The following ADAMTS14 variants were observed in gnomAD, a reference collection of about 807,000 sequenced individuals.
ADAMTS14 encodes the protein ADAM metallopeptidase with thrombospondin type 1 motif 14.
A neutral mutation model predicts 128.6 loss-of-function variants in ADAMTS14; 100 were observed. The ratio of observed to expected loss-of-function variants is 0.78; its 90% CI spans 0.66 to 0.92. The LOEUF (loss-of-function observed/expected upper bound fraction) is 0.92. Among genes scored for constraint, ADAMTS14 ranks in the 40% least tolerant of loss-of-function variants. The pLI, the probability that ADAMTS14 is intolerant of heterozygous loss-of-function variation, is 0.00. For synonymous variants in ADAMTS14, 665 were observed against 653.8 expected, an observed-to-expected ratio of 1.02 and a Z score of -0.26; for missense variants, 1,562 against 1,658.6, an observed-to-expected ratio of 0.94 and a Z score of 1.01.
intron 4 of ADAMTS14, among the ~76,000 whole-genome samples, chr10:70,711,609 G>A (rs1477434349): frequency 6.6e-6 from 1 of 152,226 alleles, no homozygotes; most frequent in Admixed American, 6.5e-5. Context: ...GGGTACTCAA[G>A]TAATGTTTTC....
intron 11 of ADAMTS14, among the ~76,000 whole-genome samples, chr10:70,739,309 G>A (rs953559420): frequency 4.6e-5 from 7 of 152,038 alleles, no homozygotes; most frequent in Non-Finnish European, 1.0e-4. Flanking sequence ...CGACCCTCTG[G>A]CTAAACTTTG....
chr10:70,715,636 G>A (rs527676418), intron 4 of ADAMTS14, among the ~76,000 whole-genome samples: 215 of 152,214 alleles, frequency 1.4e-3, no homozygotes, highest in Non-Finnish European at 2.6e-3. Context: ...GTAGATGGGA[G>A]CTTGTTCCCC....
Position 70,708,635 on chromosome 10 carries a change from C to G in ADAMTS14, c.727C>G (p.Gln243Glu), listed in dbSNP as rs774044571. 3 of 1,611,932 alleles carry G rather than the reference C, an allele frequency of 1.9e-6. No homozygotes were observed. Among genetic ancestry groups the G allele is most frequent in the Admixed American group, 3.3e-5 (2 of 59,952 alleles). The change falls in exon 4 of 22, where the codon CAG becomes GAG. Residue 243 changes from glutamine (Q) to glutamate (E), a missense_variant. Physicochemically the swap from Gln to Glu is conservative, Grantham distance 29 (BLOSUM62 2). Coordinates refer to ENST00000373207, the MANE Select transcript of ADAMTS14 (RefSeq NM_080722.4). ...CAACCTGCTGGGCCTGGTGGGGGAC[C>G]AGCTGGGCGACACAGAGCGGAAGCG... ...LPNLLGLVGD[Q>E]LGDTERKRRH...
chr10:70,682,780 G>T (rs76978678), intron 2 of ADAMTS14, among the ~76,000 whole-genome samples: 1 of 152,218 alleles, frequency 6.6e-6, no homozygotes, highest in East Asian at 1.9e-4. Context: ...CACAGAGCCC[G>T]TGTTGGCCTT....
intron 3 of ADAMTS14, 92 bp downstream of exon 3, chr10:70,702,560 C>T: frequency 6.8e-7 from 1 of 1,463,856 alleles, no homozygotes; most frequent in Non-Finnish European, 9.1e-7. Flanking sequence ...CCATGTCTGG[C>T]CTCAGTCTTC....
intron 4 of ADAMTS14, among the ~76,000 whole-genome samples, chr10:70,725,394 G>T (rs1320889643): frequency 6.6e-6 from 1 of 152,194 alleles, no homozygotes; most frequent in Admixed American, 6.5e-5. Flanking sequence ...GGATGGCTTA[G>T]CCTGTTTGGG....
At chr10:70,696,032 G>A (rs1840323303) in intron 2 of ADAMTS14, among the ~76,000 whole-genome samples, 1 of 152,244 alleles carries the variant, frequency 6.6e-6, no homozygotes, top group Non-Finnish European at 1.5e-5. Flanking sequence ...GAGGTGGTGA[G>A]TGTAGACAAC....
chr10:70,690,809 G>A (rs1305589530), intron 2 of ADAMTS14, among the ~76,000 whole-genome samples: 1 of 145,002 alleles, frequency 6.9e-6, no homozygotes, highest in African/African-American at 2.4e-5. Flanking sequence ...TCCACGCAGG[G>A]TGCCGCTCCT....
chr10:70,748,287 G>A (rs1176632814), intron 15 of ADAMTS14, among the ~76,000 whole-genome samples: 1 of 152,200 alleles, frequency 6.6e-6, no homozygotes, highest in African/African-American at 2.4e-5. Flanking sequence ...CTGGAATGAG[G>A]GGTGCATAAT....
chr10:70,734,391 G>T (rs775424821), intron 8 of ADAMTS14, among the ~76,000 whole-genome samples: 3 of 152,170 alleles, frequency 2.0e-5, no homozygotes, highest in African/African-American at 7.2e-5. Context: ...CTGGGCTGAG[G>T]CTTGGGGCTC....
At chr10:70,729,813 T>C (rs955229427) in intron 5 of ADAMTS14, among the ~76,000 whole-genome samples, 1 of 152,228 alleles carries the variant, frequency 6.6e-6, no homozygotes, top group African/African-American at 2.4e-5. Context: ...ATAGAGGAAA[T>C]GCTCAGAACA....
intron 4 of ADAMTS14, among the ~76,000 whole-genome samples, chr10:70,718,532 C>CAT (rs1841134885): frequency 6.6e-6 from 1 of 151,846 alleles, no homozygotes; most frequent in South Asian, 2.1e-4. Flanking sequence ...GGGTTACAGG[C>CAT]GTGCCACCAC....
At chr10:70,741,251 A>G in intron 12 of ADAMTS14, 89 bp downstream of exon 12, 1 of 1,449,934 alleles carries the variant, frequency 6.9e-7, no homozygotes, top group Non-Finnish European at 9.4e-7. Context: ...ACCCCTACAT[A>G]CACCAGTGAA....
intron 8 of ADAMTS14, among the ~76,000 whole-genome samples, chr10:70,734,875 G>A (rs1436071205): frequency 6.6e-6 from 1 of 152,186 alleles, no homozygotes; most frequent in Non-Finnish European, 1.5e-5. Flanking sequence ...TCCCTCTAAG[G>A]TGGGCAAAAT....
In ADAMTS14 at chr10:70,759,055, T is replaced by C. The variant is rs1842544889; in HGVS notation, c.3178+770T>C. On this transcript the variant is annotated intron_variant, in intron 21 of 21. Coordinates refer to ENST00000373207, the MANE Select transcript of ADAMTS14 (RefSeq NM_080722.4). ...TTGGCTGCAAATTCGTTAACCTCTC[T>C]GAGCTTAGTGACCTCATCTGTAAGA... Among the ~76,000 whole-genome samples, 3 of 151,124 alleles carry C rather than the reference T, an allele frequency of 2.0e-5. No homozygotes were observed. The Admixed American group carries it at 2.0e-4, about 10-fold the overall frequency.
chr10:70,734,254 T>G (rs1314005523), intron 8 of ADAMTS14, among the ~76,000 whole-genome samples: 1 of 152,210 alleles, frequency 6.6e-6, no homozygotes, highest in African/African-American at 2.4e-5. Context: ...CATAGAATTC[T>G]TATTAAAAAT....
chr10:70,713,310 G>A (rs1037376484), intron 4 of ADAMTS14, among the ~76,000 whole-genome samples: 1 of 151,256 alleles, frequency 6.6e-6, no homozygotes. Context: ...TACCTCTGTG[G>A]GCCCTCTGTG....
chr10:70,730,650 C>T (rs1327485067), intron 6 of ADAMTS14, among the ~76,000 whole-genome samples: 2 of 152,184 alleles, frequency 1.3e-5, no homozygotes, highest in African/African-American at 4.8e-5. Context: ...AGTCTGTGCT[C>T]TGCCTCCAGC....
intron 4 of ADAMTS14, among the ~76,000 whole-genome samples, chr10:70,721,192 T>C (rs1402171871): frequency 6.6e-6 from 1 of 151,480 alleles, no homozygotes; most frequent in Non-Finnish European, 1.5e-5. Context: ...GCCTGGCTAA[T>C]TTTTCTATTT....
Sources: allele counts gnomAD v4.1 joint callset (sites outside exome capture counted in the v4.1 genomes callset), GRCh38; gene constraint gnomAD v4.1.1; transcripts MANE v1.5; gene names NCBI Gene and HGNC (gene_info 2026-07-23, HGNC 2026-07-21).